Variants in GPM6A observed in about 807,000 individuals in gnomAD.
GPM6A encodes the protein glycoprotein M6A, also known as neuronal membrane glycoprotein M6-a.
GPM6A carries 7 observed loss-of-function variants against 32.1 expected under a neutral mutation model. The observed-to-expected ratio is 0.22, with a 90% CI of 0.12 to 0.41. The LOEUF is 0.41. Ranked by LOEUF, GPM6A falls within the 10% of genes least tolerant of loss-of-function variation. GPM6A has a pLI of 1.00. For missense variants in GPM6A, 235 were observed against 347.2 expected (o/e 0.68, Z 2.57); for synonymous variants, 130 against 123.4 (o/e 1.05, Z -0.35).
chr4:175,797,804 G>T (rs1473604572), intron 1 of GPM6A, among the ~76,000 whole-genome samples: 2 of 152,112 alleles, frequency 1.3e-5, no homozygotes, highest in Non-Finnish European at 2.9e-5. Context: ...TTAAATGATT[G>T]CAATCTCTGA....
chr4:175,912,879 A>G (rs1039428996), intron 1 of GPM6A, among the ~76,000 whole-genome samples: 2 of 152,138 alleles, frequency 1.3e-5, no homozygotes, highest in African/African-American at 4.8e-5. Flanking sequence ...TGATAAATAA[A>G]TGTTAGGTAT....
intron 1 of GPM6A, among the ~76,000 whole-genome samples, chr4:175,839,812 C>A (rs1384952426): frequency 6.6e-6 from 1 of 152,046 alleles, no homozygotes; most frequent in Non-Finnish European, 1.5e-5. Context: ...TTCTTGATGT[C>A]TTTATTGCCA....
At chr4:175,749,044 A>T (rs1732215632) in intron 1 of GPM6A, among the ~76,000 whole-genome samples, 1 of 152,178 alleles carries the variant, frequency 6.6e-6, no homozygotes, top group Non-Finnish European at 1.5e-5. Context: ...AGAATTAAAG[A>T]AAGTTAGAAC....
At chr4:175,815,694 A>T (rs1049192926), upstream of GPM6A, among the ~76,000 whole-genome samples, 1 of 148,358 alleles carries the variant, frequency 6.7e-6, no homozygotes, top group Non-Finnish European at 1.5e-5. Context: ...CATCACTACA[A>T]ATATTTTCTA....
intron 1 of GPM6A, among the ~76,000 whole-genome samples, chr4:175,865,551 A>C (rs1736708072): frequency 6.6e-6 from 1 of 152,202 alleles, no homozygotes; most frequent in African/African-American, 2.4e-5. Context: ...TGAGTTTTCC[A>C]ATCCATGAAC....
chr4:175,981,112 T>C (rs1740803318), intron 1 of GPM6A, among the ~76,000 whole-genome samples: 1 of 152,154 alleles, frequency 6.6e-6, no homozygotes, highest in South Asian at 2.1e-4. Context: ...GTAATTATTG[T>C]TAATCTTTTA....
At chr4:175,989,961 C>T (rs967503671) in intron 1 of GPM6A, among the ~76,000 whole-genome samples, 2 of 152,120 alleles carry the variant, frequency 1.3e-5, no homozygotes, top group Non-Finnish European at 2.9e-5. Context: ...TCTCTCTGGA[C>T]AAGTAGATCA....
chr4:175,702,561 T>C (rs1036144983), intron 1 of GPM6A, among the ~76,000 whole-genome samples: 1 of 152,122 alleles, frequency 6.6e-6, no homozygotes, highest in Non-Finnish European at 1.5e-5. Context: ...GTTGCCCAGG[T>C]TGGAGTGCAG....
chr4:175,955,891 C>A (rs1196910130), intron 1 of GPM6A, among the ~76,000 whole-genome samples: 1 of 151,978 alleles, frequency 6.6e-6, no homozygotes, highest in Non-Finnish European at 1.5e-5. Flanking sequence ...TATGGAGAGC[C>A]CATTGTGTGT....
chr4:175,940,396 G>A (rs1256481783), intron 1 of GPM6A, among the ~76,000 whole-genome samples: 1 of 151,954 alleles, frequency 6.6e-6, no homozygotes, highest in Non-Finnish European at 1.5e-5. Flanking sequence ...TAGGCAGAAA[G>A]ATAGTAAAAT....
At chr4:175,871,074 G>A (rs1257571336) in intron 1 of GPM6A, among the ~76,000 whole-genome samples, 4 of 151,910 alleles carry the variant, frequency 2.6e-5, no homozygotes, top group Non-Finnish European at 5.9e-5. Flanking sequence ...GTATGCTAGA[G>A]TATTCTGGTG....
intron 6 of GPM6A, among the ~76,000 whole-genome samples, chr4:175,636,260 GTATATATATATATATATATATATA>G (rs34516159): frequency 9.9e-6 from 1 of 101,340 alleles, no homozygotes; most frequent in Non-Finnish European, 2.0e-5. Flanking sequence ...CATAATCACT[GTATATATATATATATATATATATA>G]TATATATATA....
At chr4:175,839,566 T>C (rs1180432159) in intron 1 of GPM6A, among the ~76,000 whole-genome samples, 2 of 152,162 alleles carry the variant, frequency 1.3e-5, no homozygotes, top group Non-Finnish European at 2.9e-5. Context: ...AACTTGTATG[T>C]TGAATATATA....
intron 2 of GPM6A, among the ~76,000 whole-genome samples, chr4:175,687,190 T>TG (rs1744029736): frequency 6.6e-6 from 1 of 152,142 alleles, no homozygotes; most frequent in Admixed American, 6.5e-5. Flanking sequence ...ACACAGAATA[T>TG]GGGATTTACT....
rs569088639 is a variant in GPM6A at position 175,691,311 on chromosome 4, T to C, written c.230+10264A>G. Among the ~76,000 whole-genome samples the C allele has an allele frequency of 5.9e-5, 9 of 152,206 alleles. No homozygotes were observed. The South Asian group carries it at 1.0e-3, about 18-fold the overall frequency. ...CCTTCCAAAACAATCATCCATATTA[T>C]CCTACTTCTTAAGGGATTAATTCAC... is the stretch of plus-strand genomic sequence containing the variant. On this transcript the variant is annotated intron_variant, in intron 2 of 6. Transcript: ENST00000393658.
intron 1 of GPM6A, among the ~76,000 whole-genome samples, chr4:175,834,488 A>AT (rs1050967596): frequency 6.6e-6 from 1 of 151,958 alleles, no homozygotes; most frequent in Non-Finnish European, 1.5e-5. Flanking sequence ...TCACAGACTG[A>AT]TTTTCTCTTC....
chr4:175,800,784 C>T (rs1445539016), intron 1 of GPM6A: 1 of 196,682 alleles, frequency 5.1e-6, no homozygotes, highest in Non-Finnish European at 1.2e-5. Context: ...ACAAAACAGC[C>T]TTGTAAACTC....
intron 3 of GPM6A, among the ~76,000 whole-genome samples, chr4:175,662,411 CCAA>C (rs1369822303): frequency 6.6e-6 from 1 of 152,054 alleles, no homozygotes; most frequent in East Asian, 1.9e-4. Context: ...ACCAGCCTGG[CCAA>C]CATGGTGAAA....
intron 1 of GPM6A, among the ~76,000 whole-genome samples, chr4:175,989,437 T>A (rs1300074264): frequency 6.6e-6 from 1 of 152,076 alleles, no homozygotes; most frequent in Non-Finnish European, 1.5e-5. Flanking sequence ...CAGACAATAA[T>A]GTGAAATACA....
Sources: gnomAD v4.1 joint callset for allele counts (sites outside exome capture counted in the v4.1 genomes callset) on GRCh38, gnomAD v4.1.1 for gene constraint, MANE v1.5 for transcripts, NCBI Gene and HGNC (gene_info 2026-07-23, HGNC 2026-07-21) for gene names.